The following ENTPD7 variants were observed in gnomAD, a reference collection of about 807,000 sequenced individuals.
The protein encoded by ENTPD7 is ectonucleoside triphosphate diphosphohydrolase 7, also known as NTPDase 7.
Under a neutral mutation model 77.9 loss-of-function variants are expected in ENTPD7, and 53 were observed. The ratio of observed to expected loss-of-function variants is 0.68; its 90% CI spans 0.55 to 0.85. The LOEUF (loss-of-function observed/expected upper bound fraction) is 0.85, where lower values mean the gene tolerates loss of function less well. ENTPD7 is among the 40% of genes least tolerant of loss of function. The probability of loss-of-function intolerance (pLI) is 0.00; values close to 1 mark genes in which losing one functional copy is unlikely to be tolerated. For synonymous variants in ENTPD7, 248 were observed against 274.9 expected (o/e 0.90, Z 0.97); for missense variants, 636 against 743.7 (o/e 0.86, Z 1.68).
rs571759122 is a variant in ENTPD7, at chr10:99,706,098, A to G, written c.*1415A>G. The stretch of plus-strand genomic sequence containing the variant: ...ATTTTTGGGATTAGATTAATAGGGG[A>G]AAAAGTCCCTGGCTTTAAAGAAAAC... On this transcript the variant is annotated 3_prime_UTR_variant, in exon 13 of 13. Coordinates refer to ENST00000370489, the MANE Select transcript of ENTPD7 (RefSeq NM_020354.5). 8 of 152,272 alleles carry G rather than the reference A, an allele frequency of 5.3e-5. No individual in the cohort carries two copies. The East Asian group carries it at 1.2e-3, about 22-fold the overall frequency. The allele number at this position is 152,272 out of a possible 1,614,324, so 9.4% of individuals were successfully genotyped here.
intron 8 of ENTPD7, among the ~76,000 whole-genome samples, chr10:99,692,427 GCA>G (rs1227716692): frequency 6.6e-6 from 1 of 152,150 alleles, no homozygotes; most frequent in African/African-American, 2.4e-5. Context: ...GAGAGCTGTG[GCA>G]ATATGGGGAC....
At chr10:99,696,881 G>A (rs1334084249) in intron 9 of ENTPD7, among the ~76,000 whole-genome samples, 2 of 152,208 alleles carry the variant, frequency 1.3e-5, no homozygotes, top group Non-Finnish European at 1.5e-5. Context: ...GTAGGGCAGG[G>A]AGGATGGCCA....
chr10:99,672,721 A>G (rs1444123219), intron 3 of ENTPD7, among the ~76,000 whole-genome samples: 1 of 152,210 alleles, frequency 6.6e-6, no homozygotes. Flanking sequence ...TTTTCTGGGT[A>G]TGTATTACTA....
At chr10:99,681,408 A>C (rs2035752674) in intron 5 of ENTPD7, among the ~76,000 whole-genome samples, 1 of 151,932 alleles carries the variant, frequency 6.6e-6, no homozygotes. Context: ...CCTCCCAAGT[A>C]TCTGGGACCA....
chr10:99,702,290 AAAAAAG>A (rs1184006438), intron 11 of ENTPD7, among the ~76,000 whole-genome samples: 4 of 152,292 alleles, frequency 2.6e-5, no homozygotes, highest in South Asian at 2.1e-4. Context: ...GGACTCTTAA[AAAAAAG>A]AAAAAGAAAA....
Position 99,709,364 on chromosome 10 carries a change from A to G in ENTPD7, c.*4681A>G. ...GATTGGGAATAAGAATTATGGTAGA[A>G]ATAGCAGATGTTTCAAATTCTCCCA... On this transcript the variant is annotated 3_prime_UTR_variant, in exon 13 of 13. Transcript: ENST00000370489. 1 of 985,400 alleles carries G rather than the reference A, an allele frequency of 1.0e-6. No homozygotes were observed. Among genetic ancestry groups the G allele is most frequent in the Non-Finnish European group, 1.2e-6 (1 of 829,922 alleles). The allele number at this position is 985,400 out of a possible 1,614,324, so 61.0% of individuals were successfully genotyped here.
chr10:99,688,753 G>A lies in ENTPD7; in HGVS notation c.709+3G>A. On this transcript the variant is annotated splice_donor_region_variant and intron_variant, in intron 7 of 12. Coordinates refer to ENST00000370489, the MANE Select transcript of ENTPD7 (RefSeq NM_020354.5). ...GGGAAGATTCGACCACGAGGATGGTGAGTAATATTGTCTTTTTATGACAGT... is the reference window on the plus strand; with the variant it reads ...GGGAAGATTCGACCACGAGGATGGTAAGTAATATTGTCTTTTTATGACAGT... 1 of 1,613,802 alleles carries A rather than the reference G, an allele frequency of 6.2e-7. No homozygotes were observed. Among genetic ancestry groups the A allele is most frequent in the Non-Finnish European group, 8.5e-7 (1 of 1,179,800 alleles).
At chr10:99,666,453 C>A (rs1178681135) in intron 3 of ENTPD7, among the ~76,000 whole-genome samples, 9 of 152,182 alleles carry the variant, frequency 5.9e-5, no homozygotes, top group Non-Finnish European at 1.3e-4. Flanking sequence ...AAGTAGTCCA[C>A]CTGCCTCGGC....
At chr10:99,701,090 G>GTTC in intron 11 of ENTPD7, 32 bp downstream of exon 11, 5 of 1,549,722 alleles carry the variant, frequency 3.2e-6, no homozygotes, top group Non-Finnish European at 4.5e-6. Flanking sequence ...CTTAGATGTG[G>GTTC]ACTTAAAATC....
chr10:99,669,088 G>A (rs1241068016), intron 3 of ENTPD7, among the ~76,000 whole-genome samples: 3 of 144,466 alleles, frequency 2.1e-5, no homozygotes, highest in South Asian at 2.2e-4. Context: ...ATGTTGCCAA[G>A]CGTAGTCATG....
At chr10:99,678,329 G>C (rs1182859654) in intron 3 of ENTPD7, among the ~76,000 whole-genome samples, 1 of 151,656 alleles carries the variant, frequency 6.6e-6, no homozygotes, top group African/African-American at 2.4e-5. Flanking sequence ...TTAGCCAGGC[G>C]TGGTGGCGGG....
At chr10:99,703,263 A>G (rs1350472373) in intron 12 of ENTPD7, among the ~76,000 whole-genome samples, 3 of 152,112 alleles carry the variant, frequency 2.0e-5, no homozygotes, top group African/African-American at 4.8e-5. Flanking sequence ...ACCCTGGACT[A>G]TTTCAGATAA....
chr10:99,660,243 G>A (rs2035461715), intron 2 of ENTPD7: 2 of 899,158 alleles, frequency 2.2e-6, no homozygotes, highest in Admixed American at 6.2e-5. Flanking sequence ...ATCTGAGCAA[G>A]GCTAGGTGCC....
At chr10:99,682,923 A>G (rs955634109) in intron 5 of ENTPD7, among the ~76,000 whole-genome samples, 8 of 152,154 alleles carry the variant, frequency 5.3e-5, no homozygotes, top group African/African-American at 1.9e-4. Flanking sequence ...GGCTACCTTT[A>G]GTGTGTTTGG....
At position 99,703,595 on chromosome 10, in the gene ENTPD7, A is replaced by G. The variant is rs541517362; in HGVS notation, c.1584-857A>G. Among the ~76,000 whole-genome samples, 3 of 152,374 alleles carry G rather than the reference A, an allele frequency of 2.0e-5. No homozygotes were observed. The East Asian group carries it at 5.8e-4, about 29-fold the overall frequency. On this transcript the variant is annotated intron_variant, in intron 12 of 12. Coordinates refer to ENST00000370489, the MANE Select transcript of ENTPD7 (RefSeq NM_020354.5). ...ACTGCTGAAGAGTGGCTTCTGTTCT[A>G]GCCAGGTGGACCATTACACTTGGTT...
At position 99,708,541 on chromosome 10, in the gene ENTPD7, A is replaced by G. The variant is rs147059330; in HGVS notation, c.*3858A>G. Reference sequence around the variant, plus strand: ...CATCTATCAAACAAAGAGGCTAGACAAGATTAGAAACTAAAGGCAGAAGAC... The same window carrying G: ...CATCTATCAAACAAAGAGGCTAGACGAGATTAGAAACTAAAGGCAGAAGAC... On this transcript the variant is annotated 3_prime_UTR_variant, in exon 13 of 13. Transcript: ENST00000370489. Among the ~76,000 whole-genome samples the G allele has an allele frequency of 6.6e-6, 1 of 152,332 alleles. No homozygotes were observed. Among genetic ancestry groups the G allele is most frequent in the African/African-American group, 2.4e-5 (1 of 41,572 alleles).
Position 99,707,953 on chromosome 10 carries a change from ATG to A in ENTPD7, c.*3271_*3272del. 6.6e-6 allele frequency among the ~76,000 whole-genome samples: 1 copy of A among 152,176 alleles called. No homozygotes were observed. Among genetic ancestry groups the A allele is most frequent in the Non-Finnish European group, 1.5e-5 (1 of 68,036 alleles). Reference sequence around the variant, plus strand: ...GGGGGTACAAGTGCAGGTTTGTTACATGAGTATATTGAGTGATGCTGAGGTTT... The same window carrying A: ...GGGGGTACAAGTGCAGGTTTGTTACAAGTATATTGAGTGATGCTGAGGTTT... On this transcript the variant is annotated 3_prime_UTR_variant, in exon 13 of 13. Coordinates refer to ENST00000370489, the MANE Select transcript of ENTPD7 (RefSeq NM_020354.5).
rs146954861 is a variant in ENTPD7, at chr10:99,682,764, G to A, written c.548+2889G>A. ...TCAAAAATTTTAGAAACCCTGGGAA[G>A]AATATAGATGACACAAGAGCAGGTG... On this transcript the variant is annotated intron_variant, in intron 5 of 12. Coordinates refer to ENST00000370489, the MANE Select transcript of ENTPD7 (RefSeq NM_020354.5). 5.7e-3 allele frequency among the ~76,000 whole-genome samples: 864 copies of A among 152,258 alleles called. 3 individuals carry two copies. Among genetic ancestry groups the A allele is most frequent in the Non-Finnish European group, 7.9e-3 (535 of 68,018 alleles).
At chr10:99,660,525 CG>C in intron 2 of ENTPD7, 1 of 284,254 alleles carries the variant, frequency 3.5e-6, no homozygotes, top group Middle Eastern at 4.7e-4. Flanking sequence ...GGAATGGATA[CG>C]CACACACACA....
Sources: gnomAD v4.1 joint callset for allele counts (sites outside exome capture counted in the v4.1 genomes callset) on GRCh38, gnomAD v4.1.1 for gene constraint, MANE v1.5 for transcripts, NCBI Gene and HGNC (gene_info 2026-07-23, HGNC 2026-07-21) for gene names.